AFF3: variants seen among roughly 807,000 people sequenced by gnomAD.
The protein encoded by AFF3 is ALF transcription elongation factor 3.
Under a neutral mutation model 129.7 loss-of-function variants are expected in AFF3, and 32 were observed. The observed-to-expected ratio is 0.25, with a 90% CI of 0.19 to 0.33. AFF3 has a LOEUF of 0.33. AFF3 is among the 10% of genes least tolerant of loss of function. The pLI is 1.00. For synonymous variants in AFF3, 644 were observed against 635.4 expected (o/e 1.01, Z -0.20); for missense variants, 1,373 against 1,592.0 (o/e 0.86, Z 2.34).
At chr2:99,706,193 A>G (rs1677369312) in intron 11 of AFF3, among the ~76,000 whole-genome samples, 1 of 152,214 alleles carries the variant, frequency 6.6e-6, no homozygotes. Flanking sequence ...CAGACTCTCC[A>G]GATTACAGGT....
At chr2:100,133,676 T>C (rs1380349249) in intron 1 of AFF3, among the ~76,000 whole-genome samples, 1 of 152,184 alleles carries the variant, frequency 6.6e-6, no homozygotes, top group Non-Finnish European at 1.5e-5. Flanking sequence ...CTCATGCCTG[T>C]AATCCCAGCA....
In AFF3 at chr2:99,545,455, T is replaced by G. The variant is rs1033020104; in HGVS notation, c.*6019A>C. 1.4e-4 allele frequency: 21 copies of G among 152,160 alleles called. No individual in the cohort carries two copies. The highest frequency in any genetic ancestry group is 4.8e-4 in the African/African-American group (20 of 41,430). The allele number at this position is 152,160 out of a possible 1,614,324, so 9.4% of individuals were successfully genotyped here. A position where few individuals can be genotyped will look rare whatever the true frequency, so the allele number is the denominator to read the frequency against. On this transcript the variant is annotated 3_prime_UTR_variant, in exon 25 of 25. Coordinates refer to ENST00000672756, the MANE Select transcript of AFF3 (RefSeq NM_001386135.1). ...TATTATTTTAATTACCCAACAGCAC[T>G]CTAAAAATCCTAAACATTGGTGCTA...
At chr2:99,752,338 C>G in intron 8 of AFF3, 37 bp from the exon 9 acceptor site, 1 of 1,551,040 alleles carries the variant, frequency 6.4e-7, no homozygotes, top group Non-Finnish European at 8.9e-7. Context: ...TATTGTGATA[C>G]AGACAGTATT....
At chr2:99,710,218 G>A (rs983837546) in intron 11 of AFF3, among the ~76,000 whole-genome samples, 1 of 152,120 alleles carries the variant, frequency 6.6e-6, no homozygotes, top group African/African-American at 2.4e-5. Flanking sequence ...TTTTTATAAA[G>A]TATTTAATAC....
At position 99,593,992 on chromosome 2, in the gene AFF3, C is replaced by A; in HGVS notation, c.1669G>T (p.Ala557Ser). 2 of 1,536,078 alleles carry A rather than the reference C, an allele frequency of 1.3e-6. No homozygotes were observed. The highest frequency in any genetic ancestry group is 1.7e-6 in the Non-Finnish European group (2 of 1,143,228). The change falls in exon 15 of 25, where the codon GCG becomes TCG. Residue 557 changes from alanine (A) to serine (S), a missense_variant. This residue lies in a region of AFF3 where 413 missense variants were observed against 424.4 expected (regional missense o/e 0.97). Transcript: ENST00000672756. The part of the protein sequence containing the change: ...QKSPPAAVAV[A>S]VSAAAPPPAV... ...GGTGGCGGGGCGGCTGCGCTCACCGCCACGGCCACGGCCGCGGGCGGGGAC... is the reference window on the plus strand; with the variant it reads ...GGTGGCGGGGCGGCTGCGCTCACCGACACGGCCACGGCCGCGGGCGGGGAC...
chr2:100,002,612 T>C (rs13418634), intron 7 of AFF3, among the ~76,000 whole-genome samples: 6,202 of 152,236 alleles, frequency 0.041, 404 homozygotes, highest in African/African-American at 0.14. Flanking sequence ...TTGATTGATA[T>C]CCAAATTCAG....
chr2:100,108,732 C>T (rs1006787597), intron 2 of AFF3, among the ~76,000 whole-genome samples: 5 of 152,114 alleles, frequency 3.3e-5, no homozygotes, highest in African/African-American at 1.2e-4. Flanking sequence ...TCTGTCCCTG[C>T]AGCCAGCTTC....
rs749156043 is a variant in AFF3, at chr2:99,546,450, A to AT, written c.*5023dup. 2.6e-5 allele frequency: 6 copies of AT among 232,850 alleles called. No individual in the cohort carries two copies. Among genetic ancestry groups the AT allele is most frequent in the Admixed American group, 5.6e-5 (1 of 17,758 alleles). The allele number at this position is 232,850 out of a possible 1,614,324, so 14.4% of individuals were successfully genotyped here. A position where few individuals can be genotyped will look rare whatever the true frequency, so the allele number is the denominator to read the frequency against. ...CCATCTGCAAACAAACCCTTTCTGCATTTTTCTCTCTAGACACGAGTGAGT... is the reference window on the plus strand; with the variant it reads ...CCATCTGCAAACAAACCCTTTCTGCATTTTTTCTCTCTAGACACGAGTGAGT... On this transcript the variant is annotated 3_prime_UTR_variant, in exon 25 of 25. Transcript: ENST00000672756.
At position 99,950,560 on chromosome 2, in the gene AFF3, G is replaced by A. The variant is rs13386537; in HGVS notation, c.873+56072C>T. ...CTACTACTAATAATGAAGATCATAT[G>A]ACTGAATGAAAATTTAGAGGGATTT... On this transcript the variant is annotated intron_variant, in intron 7 of 24. Transcript: ENST00000672756. 4.8e-3 allele frequency among the ~76,000 whole-genome samples: 733 copies of A among 152,270 alleles called. 4 individuals are homozygous for A. Among genetic ancestry groups the A allele is most frequent in the African/African-American group, 0.017 (701 of 41,550 alleles).
At chr2:99,685,650 C>T (rs143473377) in intron 11 of AFF3, among the ~76,000 whole-genome samples, 5 of 152,158 alleles carry the variant, frequency 3.3e-5, no homozygotes, top group Non-Finnish European at 5.9e-5. Context: ...TCATCTATTT[C>T]TCTTTCAGCT....
chr2:99,951,789 G>A (rs764138651), intron 7 of AFF3, among the ~76,000 whole-genome samples: 6 of 152,302 alleles, frequency 3.9e-5, no homozygotes, highest in Admixed American at 2.6e-4. Context: ...GGGATTACAG[G>A]TGTGTGCCAC....
rs70940180 is a variant in AFF3, at chr2:99,618,224, C to CTTTTTTTTTTTTTTTTT, written c.1185-16620_1185-16604dup. 6.2e-5 allele frequency among the ~76,000 whole-genome samples: 5 copies of CTTTTTTTTTTTTTTTTT among 80,084 alleles called. 1 individual carries two copies. The highest frequency in any genetic ancestry group is 2.8e-4 in the African/African-American group (5 of 17,674). The allele number at this position is 80,084 out of a possible 152,430, so 52.5% of individuals were successfully genotyped here. A position where few individuals can be genotyped will look rare whatever the true frequency, so the allele number is the denominator to read the frequency against. On this transcript the variant is annotated intron_variant, in intron 13 of 24. Transcript: ENST00000672756. ...TAGATGAGAAAATGCTCATAACATT[C>CTTTTTTTTTTTTTTTTT]TTTTTTTTTTTTTTTTTTTTTTTTT...
chr2:99,878,274 A>G (rs1210101057), intron 7 of AFF3, among the ~76,000 whole-genome samples: 1 of 152,194 alleles, frequency 6.6e-6, no homozygotes, highest in East Asian at 1.9e-4. Context: ...TTTTGGTTGA[A>G]TGTTAAGTGG....
intron 22 of AFF3, 98 bp from the exon 23 acceptor site, chr2:99,554,830 G>T: frequency 7.2e-7 from 1 of 1,383,128 alleles, no homozygotes; most frequent in Non-Finnish European, 1.0e-6. Context: ...AGAAGCAAAG[G>T]CAGACACTGC....
At chr2:99,854,327 T>C (rs1050609446) in intron 7 of AFF3, among the ~76,000 whole-genome samples, 1 of 152,188 alleles carries the variant, frequency 6.6e-6, no homozygotes, top group Non-Finnish European at 1.5e-5. Context: ...AGAACTTTAT[T>C]TGGTCTTATG....
At chr2:99,767,404 G>A (rs1047183065) in intron 8 of AFF3, among the ~76,000 whole-genome samples, 2 of 152,242 alleles carry the variant, frequency 1.3e-5, no homozygotes, top group Non-Finnish European at 2.9e-5. Flanking sequence ...GACATTATGT[G>A]TGGTTTAAAG....
At chr2:100,114,726 A>G (rs952602735) in intron 2 of AFF3, among the ~76,000 whole-genome samples, 4 of 152,206 alleles carry the variant, frequency 2.6e-5, no homozygotes, top group Non-Finnish European at 5.9e-5. Context: ...ACTAACAGAA[A>G]GGGTGGGTGC....
chr2:99,710,484 T>C (rs1677794249), intron 11 of AFF3, among the ~76,000 whole-genome samples: 1 of 152,172 alleles, frequency 6.6e-6, no homozygotes, highest in African/African-American at 2.4e-5. Flanking sequence ...CTCGAACTCC[T>C]GACCTCAAGT....
intron 18 of AFF3, among the ~76,000 whole-genome samples, chr2:99,574,842 CCT>C: frequency 6.6e-6 from 1 of 152,242 alleles, no homozygotes; most frequent in Middle Eastern, 3.4e-3. Context: ...CCACTGGTGG[CCT>C]CTCTTTGGTC....
Sources: allele counts gnomAD v4.1 joint callset (sites outside exome capture counted in the v4.1 genomes callset), GRCh38; gene constraint gnomAD v4.1.1; regional missense constraint gnomAD v4.1.1; transcripts MANE v1.5; gene names NCBI Gene and HGNC (gene_info 2026-07-23, HGNC 2026-07-21).